The following TRHDE variants were observed in gnomAD, a reference collection of about 807,000 sequenced individuals.
TRHDE encodes the protein thyrotropin releasing hormone degrading enzyme, also known as thyrotropin-releasing hormone-degrading ectoenzyme.
In TRHDE, 72 loss-of-function variants were observed where a neutral mutation model predicts 125.7. The ratio of observed to expected loss-of-function variants is 0.57; its 90% CI spans 0.47 to 0.70. The LOEUF is 0.70. TRHDE is among the 30% of genes least tolerant of loss of function. TRHDE has a pLI of 0.00. For synonymous variants in TRHDE, 509 were observed against 509.1 expected, an observed-to-expected ratio of 1.00 and a Z score of 0.00; for missense variants, 1,110 against 1,327.1, an observed-to-expected ratio of 0.84 and a Z score of 2.54.
chr12:72,113,336 A>T (rs1875364909), intron 2 of TRHDE, among the ~76,000 whole-genome samples: 1 of 151,682 alleles, frequency 6.6e-6, no homozygotes, highest in Non-Finnish European at 1.5e-5. Flanking sequence ...AAGAATTTGC[A>T]GTTAGTGGCT....
intron 2 of TRHDE, among the ~76,000 whole-genome samples, chr12:72,230,509 C>T (rs190649894): frequency 1.0e-3 from 159 of 152,044 alleles, no homozygotes; most frequent in African/African-American, 3.5e-3. Context: ...AAAAGCTGTC[C>T]GTAGAAGTAA....
chr12:72,598,717 T>G (rs1872082866), intron 12 of TRHDE, among the ~76,000 whole-genome samples: 1 of 152,152 alleles, frequency 6.6e-6, no homozygotes, highest in South Asian at 2.1e-4. Context: ...TAGTTTTTCT[T>G]TTCTTTTTTT....
intron 2 of TRHDE, among the ~76,000 whole-genome samples, chr12:72,183,265 T>C (rs1877132445): frequency 6.6e-6 from 1 of 152,234 alleles, no homozygotes; most frequent in Non-Finnish European, 1.5e-5. Flanking sequence ...AAGGCTGATT[T>C]GTTGTAATGA....
chr12:72,645,430 A>G (rs1874242075), intron 15 of TRHDE, among the ~76,000 whole-genome samples: 1 of 152,142 alleles, frequency 6.6e-6, no homozygotes, highest in African/African-American at 2.4e-5. Flanking sequence ...AAGAGCAAAA[A>G]TGTAAAATAA....
intron 12 of TRHDE, among the ~76,000 whole-genome samples, chr12:72,615,457 G>A (rs1400562847): frequency 6.6e-6 from 1 of 152,024 alleles, no homozygotes; most frequent in Non-Finnish European, 1.5e-5. Context: ...AGTAATCACA[G>A]ATATCATTAC....
chr12:72,532,541 C>T (rs1868609574), intron 6 of TRHDE, among the ~76,000 whole-genome samples: 1 of 150,800 alleles, frequency 6.6e-6, no homozygotes, highest in Non-Finnish European at 1.5e-5. Flanking sequence ...TTAAAGATTG[C>T]CTTTATTGTT....
chr12:72,528,304 C>A (rs938415084), intron 6 of TRHDE, among the ~76,000 whole-genome samples: 2 of 152,132 alleles, frequency 1.3e-5, no homozygotes, highest in Admixed American at 1.3e-4. Context: ...TTTCTTAATA[C>A]TCTAGATTTC....
intron 3 of TRHDE, among the ~76,000 whole-genome samples, chr12:72,463,887 T>C (rs1317046760): frequency 6.6e-6 from 1 of 152,194 alleles, no homozygotes; most frequent in African/African-American, 2.4e-5. Flanking sequence ...TGGATTTCAG[T>C]TAGTATGTAC....
chr12:72,535,556 C>CT lies in TRHDE; in HGVS notation c.1723-6729dup, dbSNP rs993719069. On this transcript the variant is annotated intron_variant, in intron 6 of 18. Transcript: ENST00000261180. ...TTAATTTTCTTTCCCCTTTCATTCT[C>CT]TTTTTTCCCTTGTTCTATCCTCTCT... is the stretch of plus-strand genomic sequence containing the variant. Among the ~76,000 whole-genome samples the CT allele has an allele frequency of 5.9e-5, 9 of 152,156 alleles. No individual in the cohort carries two copies. The East Asian group carries it at 1.4e-3, about 23-fold the overall frequency.
intron 5 of TRHDE, among the ~76,000 whole-genome samples, chr12:72,496,277 A>G (rs970516268): frequency 6.6e-6 from 1 of 152,146 alleles, no homozygotes; most frequent in African/African-American, 2.4e-5. Flanking sequence ...AACAGTATTT[A>G]TATTAGTCTG....
At chr12:72,221,927 C>A (rs1194351698) in intron 2 of TRHDE, among the ~76,000 whole-genome samples, 1 of 152,048 alleles carries the variant, frequency 6.6e-6, no homozygotes, top group Non-Finnish European at 1.5e-5. Flanking sequence ...TTTGGAGCAA[C>A]TGGGTTCTGG....
chr12:72,508,381 C>A (rs1023485807), intron 6 of TRHDE, among the ~76,000 whole-genome samples: 2 of 152,200 alleles, frequency 1.3e-5, no homozygotes, highest in African/African-American at 2.4e-5. Flanking sequence ...GCCTTGGGAA[C>A]CTAACCCTTG....
chr12:72,520,514 C>G (rs528128741), intron 6 of TRHDE, among the ~76,000 whole-genome samples: 15 of 151,866 alleles, frequency 9.9e-5, no homozygotes, highest in African/African-American at 3.4e-4. Context: ...GCACGGTGCG[C>G]GCACCCACTG....
chr12:72,512,543 TTC>T (rs1413822602), intron 6 of TRHDE, among the ~76,000 whole-genome samples: 1 of 138,590 alleles, frequency 7.2e-6, no homozygotes, highest in African/African-American at 2.7e-5. Flanking sequence ...ATTATATATA[TTC>T]ATATATAATC....
chr12:72,449,977 T>G (rs1417645720), intron 3 of TRHDE, among the ~76,000 whole-genome samples: 1 of 151,962 alleles, frequency 6.6e-6, no homozygotes, highest in Non-Finnish European at 1.5e-5. Context: ...CCCCATTCAT[T>G]CAGTTGGGTA....
At chr12:72,399,476 G>T (rs1046328350) in intron 3 of TRHDE, among the ~76,000 whole-genome samples, 40 of 152,068 alleles carry the variant, frequency 2.6e-4, no homozygotes, top group African/African-American at 9.4e-4. Flanking sequence ...CTACTCTTGT[G>T]CTGCTTGTAA....
At chr12:72,330,095 A>T (rs1869517653) in intron 2 of TRHDE, among the ~76,000 whole-genome samples, 1 of 152,126 alleles carries the variant, frequency 6.6e-6, no homozygotes, top group Non-Finnish European at 1.5e-5. Context: ...TTTATTTCCC[A>T]TTTCTTGCTT....
intron 3 of TRHDE, among the ~76,000 whole-genome samples, chr12:72,430,457 GTATATATATACACACA>G (rs971528828): frequency 6.8e-5 from 10 of 146,704 alleles, no homozygotes; most frequent in Admixed American, 2.7e-4. Flanking sequence ...ATATATATGT[GTATATATATACACACA>G]TATATATATA....
At position 72,619,030 on chromosome 12, in the gene TRHDE, AT is replaced by A; in HGVS notation, c.2465del (p.Phe822SerfsTer6). 6.4e-7 allele frequency: 1 copy of A among 1,551,630 alleles called. No individual in the cohort carries two copies. The highest frequency in any genetic ancestry group is 1.4e-5 in the African/African-American group (1 of 71,556). On this transcript the variant is annotated frameshift_variant, in exon 13 of 19. Transcript: ENST00000261180. LOFTEE classifies it high-confidence loss of function. ...ACTGGACCGCATGGAAAACTACAAC[AT>A]TTTCAATGTAAAAAGATATAATTTT... ...KLLDRMENYN[I>X]FNEYILKQVA... is the part of the protein sequence containing the mutation.
Sources: allele counts gnomAD v4.1 joint callset (sites outside exome capture counted in the v4.1 genomes callset), GRCh38; gene constraint gnomAD v4.1.1; transcripts MANE v1.5; gene names NCBI Gene and HGNC (gene_info 2026-07-23, HGNC 2026-07-21).